PCBP3: variants seen among roughly 807,000 people sequenced by gnomAD.
PCBP3 encodes the protein poly(rC) binding protein 3.
A neutral mutation model predicts 52.7 loss-of-function variants in PCBP3; 25 were observed. The observed-to-expected ratio is 0.47, with a 90% CI of 0.35 to 0.66. The LOEUF is 0.66. PCBP3 is among the 30% of genes least tolerant of loss of function. The probability of loss-of-function intolerance (pLI) is 0.01; values close to 1 mark genes in which losing one functional copy is unlikely to be tolerated. For synonymous variants in PCBP3, 162 were observed against 183.0 expected (o/e 0.89, Z 0.93); for missense variants, 391 against 490.3 (o/e 0.80, Z 1.91).
intron 2 of PCBP3, among the ~76,000 whole-genome samples, chr21:45,669,801 G>GTTATATA (rs1385598083): frequency 1.4e-5 from 1 of 69,072 alleles, no homozygotes; most frequent in Non-Finnish European, 2.9e-5. Context: ...GTGTGTGTGT[G>GTTATATA]TGTGTATATA....
chr21:45,801,011 C>T (rs1021021411), intron 4 of PCBP3, among the ~76,000 whole-genome samples: 1 of 152,244 alleles, frequency 6.6e-6, no homozygotes, highest in Admixed American at 6.5e-5. Flanking sequence ...CATGCCCACT[C>T]GCTCTGACCT....
chr21:45,906,423 G>A (rs532737920), intron 9 of PCBP3, among the ~76,000 whole-genome samples: 2 of 152,166 alleles, frequency 1.3e-5, no homozygotes, highest in African/African-American at 4.8e-5. Context: ...GGGCCGGGGA[G>A]GCCTTTGGAT....
intron 5 of PCBP3, among the ~76,000 whole-genome samples, chr21:45,886,157 G>A (rs1438294294): frequency 2.5e-5 from 3 of 122,060 alleles, no homozygotes; most frequent in Non-Finnish European, 5.6e-5. Context: ...GAGGTGTGGA[G>A]GAGGCCTCGT....
At position 45,704,532 on chromosome 21, in the gene PCBP3, G is replaced by C. The variant is rs1222349142; in HGVS notation, c.-199-30860G>C. ...CCCCAGGGGGCTCCAGGGGAGTGCTGTCTGCTGCTGGCGGTGGGGGGCGGT... is the reference window on the plus strand; with the variant it reads ...CCCCAGGGGGCTCCAGGGGAGTGCTCTCTGCTGCTGGCGGTGGGGGGCGGT... On this transcript the variant is annotated intron_variant, in intron 2 of 17. Coordinates refer to ENST00000681687, the MANE Select transcript of PCBP3 (RefSeq NM_001384156.1). The surrounding 1 kb of genome is among the most constrained non-coding windows in gnomAD (Gnocchi z 4.1). 6.6e-6 allele frequency among the ~76,000 whole-genome samples: 1 copy of C among 152,152 alleles called. No individual in the cohort carries two copies. The highest frequency in any genetic ancestry group is 2.4e-5 in the African/African-American group (1 of 41,434).
intron 2 of PCBP3, among the ~76,000 whole-genome samples, chr21:45,689,633 G>A (rs1286534604): frequency 2.0e-5 from 3 of 152,028 alleles, no homozygotes; most frequent in African/African-American, 7.2e-5. Flanking sequence ...GGAATTCACA[G>A]ATGATCAGAT....
At chr21:45,905,246 G>A (rs1007502191) in intron 9 of PCBP3, among the ~76,000 whole-genome samples, 11 of 152,128 alleles carry the variant, frequency 7.2e-5, no homozygotes, top group African/African-American at 2.2e-4. Flanking sequence ...CTCCTCCAAC[G>A]ACCGCATCTC....
intron 2 of PCBP3, among the ~76,000 whole-genome samples, chr21:45,708,172 G>A (rs990898511): frequency 6.6e-5 from 10 of 152,208 alleles, no homozygotes. Context: ...GGTTCTATGT[G>A]AAAGGAGGAT....
At chr21:45,721,640 G>C (rs1174486030) in intron 2 of PCBP3, among the ~76,000 whole-genome samples, 1 of 152,048 alleles carries the variant, frequency 6.6e-6, no homozygotes, top group East Asian at 1.9e-4. Flanking sequence ...AAATGTATTT[G>C]CTTAAATTTG....
chr21:45,702,872 CCTG>C, intron 2 of PCBP3, among the ~76,000 whole-genome samples: 1 of 152,320 alleles, frequency 6.6e-6, no homozygotes, highest in Middle Eastern at 3.4e-3. Context: ...CCTCTCAAAC[CCTG>C]CTGCTGCTTT....
intron 2 of PCBP3, among the ~76,000 whole-genome samples, chr21:45,720,680 C>T (rs1365608429): frequency 1.3e-5 from 2 of 152,200 alleles, no homozygotes; most frequent in Non-Finnish European, 2.9e-5. Context: ...AATTCTCCAT[C>T]ACCTCTGTAC....
intron 4 of PCBP3, among the ~76,000 whole-genome samples, chr21:45,782,159 T>C (rs1440472824): frequency 6.6e-6 from 1 of 152,136 alleles, no homozygotes; most frequent in African/African-American, 2.4e-5. Flanking sequence ...GTAAAAAATT[T>C]TAAAGCATGC....
intron 4 of PCBP3, chr21:45,832,790 C>T (rs1277699261): frequency 1.3e-5 from 2 of 152,224 alleles, no homozygotes; most frequent in African/African-American, 4.8e-5. Flanking sequence ...TTAATTGACT[C>T]ATAGTTCCAC....
chr21:45,756,379 A>C (rs2088046045), intron 4 of PCBP3, among the ~76,000 whole-genome samples: 1 of 152,148 alleles, frequency 6.6e-6, no homozygotes. Context: ...CCTCTAATGT[A>C]GGTCTTTTTC....
chr21:45,818,589 T>C (rs2093036190), intron 4 of PCBP3, among the ~76,000 whole-genome samples: 1 of 152,236 alleles, frequency 6.6e-6, no homozygotes, highest in Non-Finnish European at 1.5e-5. Context: ...CCAAACTACC[T>C]TCCCAAGTGG....
rs762511424 is a variant in PCBP3, at chr21:45,779,807, CCAAT to C, written c.-126+24359_-126+24362del. On this transcript the variant is annotated intron_variant, in intron 4 of 17. Coordinates refer to ENST00000681687, the MANE Select transcript of PCBP3 (RefSeq NM_001384156.1). ...GTTGATCTATAGAATCAATGAACTC[CCAAT>C]CAAAGTCCCAGAAGGCTTTTCATAG... 2.6e-5 allele frequency among the ~76,000 whole-genome samples: 4 copies of C among 152,188 alleles called. No homozygotes were observed. The South Asian group carries it at 6.2e-4, about 24-fold the overall frequency.
intron 4 of PCBP3, chr21:45,762,854 T>C (rs2088852642): frequency 6.6e-6 from 1 of 152,244 alleles, no homozygotes; most frequent in Non-Finnish European, 1.5e-5. Context: ...CTCACTCTCA[T>C]TGAGGACTTC....
Position 45,786,203 on chromosome 21 carries a change from A to C in PCBP3, c.-126+30751A>C, listed in dbSNP as rs1429568270. Among the ~76,000 whole-genome samples, 2 of 151,926 alleles carry C rather than the reference A, an allele frequency of 1.3e-5. 1 individual carries two copies. Among genetic ancestry groups the C allele is most frequent in the African/African-American group, 4.8e-5 (2 of 41,422 alleles). ...CCAAAAAAAATAAAAAGTTTCAAAA[A>C]AAAAAAATAGTGCCAGTGAGCTCTG... On this transcript the variant is annotated intron_variant, in intron 4 of 17. Coordinates refer to ENST00000681687, the MANE Select transcript of PCBP3 (RefSeq NM_001384156.1).
chr21:45,688,700 AT>A (rs2082293956), intron 2 of PCBP3, among the ~76,000 whole-genome samples: 1 of 152,150 alleles, frequency 6.6e-6, no homozygotes, highest in South Asian at 2.1e-4. Context: ...AGGCAATAAA[AT>A]TAATAAACCT....
chr21:45,795,329 C>T lies in PCBP3; in HGVS notation c.-126+39877C>T, dbSNP rs558669655. ...TTCTTCTTTTTCTTTTTTTTTTTTT[C>T]CCCTTTCCTTTCTTTTCTTTACCTT... On this transcript the variant is annotated intron_variant, in intron 4 of 17. Coordinates refer to ENST00000681687, the MANE Select transcript of PCBP3 (RefSeq NM_001384156.1). Among the ~76,000 whole-genome samples, 268 of 126,592 alleles carry T rather than the reference C, an allele frequency of 2.1e-3. 1 individual carries two copies. Among genetic ancestry groups the T allele is most frequent in the African/African-American group, 7.5e-3 (251 of 33,322 alleles). The allele number at this position is 126,592 out of a possible 152,430, so 83.0% of individuals were successfully genotyped here.
Sources: gnomAD v4.1 joint callset for allele counts (sites outside exome capture counted in the v4.1 genomes callset) on GRCh38, gnomAD v4.1.1 for gene constraint, Gnocchi (gnomAD v3.1) non-coding constraint, MANE v1.5 for transcripts, NCBI Gene and HGNC (gene_info 2026-07-23, HGNC 2026-07-21) for gene names.